ADAMTSL1: variants seen among roughly 807,000 people sequenced by gnomAD.
ADAMTSL1 encodes the protein ADAMTS like 1.
In ADAMTSL1, 126 loss-of-function variants were observed where a neutral mutation model predicts 201.8. The ratio of observed to expected loss-of-function variants is 0.62; its 90% CI spans 0.54 to 0.72. The LOEUF (loss-of-function observed/expected upper bound fraction) is 0.72. Among genes scored for constraint, ADAMTSL1 ranks in the 30% least tolerant of loss-of-function variants. The probability of loss-of-function intolerance (pLI) is 0.00; values close to 1 mark genes in which losing one functional copy is unlikely to be tolerated. For missense variants in ADAMTSL1, 2,679 were observed against 2,277.8 expected (o/e 1.18, Z -3.59); for synonymous variants, 1,121 against 903.4 (o/e 1.24, Z -4.32).
chr9:18,478,971 A>T (rs1372869977), intron 1 of ADAMTSL1, among the ~76,000 whole-genome samples: 4 of 152,202 alleles, frequency 2.6e-5, no homozygotes, highest in Non-Finnish European at 5.9e-5. Flanking sequence ...CTTGATTGGC[A>T]GTACTGGCTC....
At chr9:18,532,901 C>A (rs2132104886) in intron 2 of ADAMTSL1, among the ~76,000 whole-genome samples, 1 of 151,834 alleles carries the variant, frequency 6.6e-6, no homozygotes, top group Non-Finnish European at 1.5e-5. Flanking sequence ...TGAAATATAT[C>A]TTCAATTTTA....
At chr9:18,065,010 G>C (rs1822632329) in intron 1 of ADAMTSL1, among the ~76,000 whole-genome samples, 1 of 129,338 alleles carries the variant, frequency 7.7e-6, no homozygotes, top group Non-Finnish European at 1.6e-5. Flanking sequence ...AATAAACCTG[G>C]GAACAAGGAA....
intron 23 of ADAMTSL1, among the ~76,000 whole-genome samples, chr9:18,838,727 G>A (rs539063687): frequency 6.6e-6 from 1 of 151,682 alleles, no homozygotes; most frequent in South Asian, 2.1e-4. Context: ...CTGCTTGGGA[G>A]GCTGAGGTGT....
intron 5 of ADAMTSL1, among the ~76,000 whole-genome samples, chr9:18,634,254 C>T (rs999463019): frequency 6.6e-6 from 1 of 151,962 alleles, no homozygotes; most frequent in African/African-American, 2.4e-5. Context: ...TAATTATGTA[C>T]ACTGTTAAAA....
intron 4 of ADAMTSL1, among the ~76,000 whole-genome samples, chr9:18,577,200 T>G (rs1441753094): frequency 6.6e-6 from 1 of 152,026 alleles, no homozygotes; most frequent in Non-Finnish European, 1.5e-5. Context: ...AAGACATGAG[T>G]TGGGGCCAGG....
intron 8 of ADAMTSL1, among the ~76,000 whole-genome samples, chr9:18,658,195 C>T (rs776775): frequency 0.62 from 93,822 of 151,988 alleles, 28,962 homozygotes; most frequent in East Asian, 0.73. Flanking sequence ...AGGATAGTCT[C>T]GATCTCCTGA....
chr9:18,792,877 C>G (rs534892405), intron 19 of ADAMTSL1, among the ~76,000 whole-genome samples: 5 of 152,162 alleles, frequency 3.3e-5, no homozygotes, highest in African/African-American at 1.2e-4. Flanking sequence ...CTCTTATTAG[C>G]TTCTTCGAAA....
chr9:18,599,076 G>A (rs572489354), intron 4 of ADAMTSL1, among the ~76,000 whole-genome samples: 1 of 152,110 alleles, frequency 6.6e-6, no homozygotes, highest in Admixed American at 6.5e-5. Flanking sequence ...AGAAATCTCA[G>A]TATTAGGGTT....
At chr9:18,427,104 C>T (rs188412241) in intron 2 of ADAMTSL1, among the ~76,000 whole-genome samples, 1 of 152,240 alleles carries the variant, frequency 6.6e-6, no homozygotes, top group Non-Finnish European at 1.5e-5. Flanking sequence ...GTTTTTTCTT[C>T]CATCTGCCAG....
rs1216872419 is a variant in ADAMTSL1 at position 18,314,743 on chromosome 9, G to T, written c.207+150762G>T. ...AACAAAGCTTCCACAGCGTGGAAGG[G>T]GACCCCAGTGGGTTGCCACTGCTGC... On this transcript the variant is annotated intron_variant, in intron 2 of 29. Transcript: ENST00000680146. 3.4e-5 allele frequency among the ~76,000 whole-genome samples: 5 copies of T among 145,900 alleles called. No individual in the cohort carries two copies. The East Asian group carries it at 8.3e-4, about 24-fold the overall frequency.
intron 25 of ADAMTSL1, chr9:18,890,689 C>T (rs1431780210): frequency 2.3e-6 from 1 of 439,600 alleles, no homozygotes; most frequent in African/African-American, 2.0e-5. Flanking sequence ...CCTTCCTGAA[C>T]TGTAACATAG....
chr9:18,783,666 G>A (rs921762317), intron 19 of ADAMTSL1, among the ~76,000 whole-genome samples: 3 of 152,262 alleles, frequency 2.0e-5, no homozygotes, highest in Admixed American at 6.5e-5. Flanking sequence ...AGAGCTGTTA[G>A]GTTAACTTGC....
chr9:18,719,320 A>G (rs983129502), intron 14 of ADAMTSL1, among the ~76,000 whole-genome samples: 1 of 152,202 alleles, frequency 6.6e-6, no homozygotes, highest in African/African-American at 2.4e-5. Flanking sequence ...CACAGGGTAA[A>G]TATTGTGATT....
chr9:17,984,198 T>G lies in ADAMTSL1; in HGVS notation c.87+77276T>G, dbSNP rs143464431. On this transcript the variant is annotated intron_variant, in intron 1 of 29. Coordinates refer to the ADAMTSL1 transcript ENST00000680146. ...TTTCTTTTTCAAAATTAAAATAGAA[T>G]TTTTCCTAATTAAAAAAGGGACACA... Among the ~76,000 whole-genome samples the G allele has an allele frequency of 6.8e-3, 1,029 of 152,206 alleles. 14 individuals are homozygous for G. Among genetic ancestry groups the G allele is most frequent in the African/African-American group, 0.024 (980 of 41,546 alleles).
chr9:18,775,755 T>C lies in ADAMTSL1; in HGVS notation c.2410T>C (p.Cys804Arg), dbSNP rs993898083. Residue 804 changes from cysteine to arginine, a missense_variant, in exon 18 of 29, where the codon TGC becomes CGC. Transcript: ENST00000380548. ...CTTTCTCCACCAGTGTTCCACAAGC[T>C]GCGGGGAAGGCACCCAGACTCGAAG... ...LSDWTECSTS[C>R]GEGTQTRSAI... 1.7e-5 allele frequency: 27 copies of C among 1,612,942 alleles called. No homozygotes were observed. Among genetic ancestry groups the C allele is most frequent in the Non-Finnish European group, 2.0e-5 (24 of 1,179,570 alleles).
chr9:18,021,802 A>C (rs1820490834), intron 1 of ADAMTSL1, among the ~76,000 whole-genome samples: 1 of 152,130 alleles, frequency 6.6e-6, no homozygotes, highest in Admixed American at 6.5e-5. Flanking sequence ...GTGGAGTCTC[A>C]TGTCAAGAAT....
chr9:18,901,318 A>T (rs1361762308), intron 26 of ADAMTSL1, among the ~76,000 whole-genome samples: 2 of 152,194 alleles, frequency 1.3e-5, no homozygotes, highest in African/African-American at 4.8e-5. Context: ...GAGTTATAAT[A>T]AAAAGATGCT....
At chr9:18,686,943 AG>A (rs1425258539) in intron 13 of ADAMTSL1, among the ~76,000 whole-genome samples, 2 of 152,224 alleles carry the variant, frequency 1.3e-5, no homozygotes, top group Non-Finnish European at 2.9e-5. Context: ...TAGTTAAAAA[AG>A]TTTTAGCCAT....
chr9:18,362,406 A>G (rs1836568204), intron 2 of ADAMTSL1, among the ~76,000 whole-genome samples: 1 of 152,236 alleles, frequency 6.6e-6, no homozygotes, highest in Admixed American at 6.5e-5. Flanking sequence ...GGAAATGAAA[A>G]TTTTAGCAAT....
Sources: allele counts gnomAD v4.1 joint callset (sites outside exome capture counted in the v4.1 genomes callset), GRCh38; gene constraint gnomAD v4.1.1; transcripts MANE v1.5; gene names NCBI Gene and HGNC (gene_info 2026-07-23, HGNC 2026-07-21).